RAB38: variants seen among roughly 807,000 people sequenced by gnomAD.
The protein encoded by RAB38 is RAB38, member RAS oncogene family, also known as ras-related protein Rab-38.
In RAB38, 15 loss-of-function variants were observed where a neutral mutation model predicts 18.4. The ratio of observed to expected loss-of-function variants is 0.82; its 90% CI spans 0.55 to 1.26. The LOEUF (loss-of-function observed/expected upper bound fraction) is 1.26, where lower values mean the gene tolerates loss of function less well. Among genes scored for constraint, RAB38 ranks in the 50% most tolerant of loss-of-function variants. The pLI is 0.00. For synonymous variants in RAB38, 101 were observed against 104.4 expected (o/e 0.97, Z 0.20); for missense variants, 294 against 267.4 (o/e 1.10, Z -0.69).
the RAB38 span, among the ~76,000 whole-genome samples, chr11:87,844,800 G>A: frequency 7.2e-5 from 11 of 152,162 alleles, no homozygotes; most frequent in Admixed American, 2.0e-4. Context: ...CATAAACCCC[G>A]AGCAAATATG....
the RAB38 span, among the ~76,000 whole-genome samples, chr11:88,022,496 A>C: frequency 6.6e-6 from 1 of 151,742 alleles, no homozygotes; most frequent in Non-Finnish European, 1.5e-5. Context: ...AATTCTAGCT[A>C]GAGCAATCAC....
chr11:87,849,817 C>A, the RAB38 span, among the ~76,000 whole-genome samples: 1 of 152,096 alleles, frequency 6.6e-6, no homozygotes, highest in Non-Finnish European at 1.5e-5. Flanking sequence ...TGGGCTCCCA[C>A]AGAGCAAAAC....
chr11:87,968,371 G>A, the RAB38 span, among the ~76,000 whole-genome samples: 1 of 152,104 alleles, frequency 6.6e-6, no homozygotes, highest in Admixed American at 6.6e-5. Flanking sequence ...CCTAGCTAGA[G>A]ACTACATTTC....
chr11:87,811,255 C>T, the RAB38 span, among the ~76,000 whole-genome samples: 474 of 152,246 alleles, frequency 3.1e-3, no homozygotes, highest in Non-Finnish European at 5.8e-3. Flanking sequence ...AGCACATGCC[C>T]AGGAATTTTC....
At chr11:88,079,253 T>G in the RAB38 span, among the ~76,000 whole-genome samples, 1 of 151,798 alleles carries the variant, frequency 6.6e-6, no homozygotes, top group Non-Finnish European at 1.5e-5. Context: ...AACAGCATTA[T>G]AAGTCCAACA....
the RAB38 span, among the ~76,000 whole-genome samples, chr11:87,923,312 C>T: frequency 6.6e-6 from 1 of 151,758 alleles, no homozygotes; most frequent in Non-Finnish European, 1.5e-5. Context: ...AGAGAAGACG[C>T]ATTCATTAAA....
the RAB38 span, among the ~76,000 whole-genome samples, chr11:87,977,859 A>T: frequency 8.9e-6 from 1 of 112,250 alleles, no homozygotes; most frequent in Non-Finnish European, 1.7e-5. Context: ...GGATAGTAAT[A>T]TACTTACAAA....
intron 2 of RAB38, among the ~76,000 whole-genome samples, chr11:88,117,448 T>C (rs1591153169): frequency 1.3e-5 from 2 of 152,312 alleles, no homozygotes; most frequent in South Asian, 4.1e-4. Flanking sequence ...AGTCCATTAC[T>C]AGACAAGCCT....
the RAB38 span, among the ~76,000 whole-genome samples, chr11:87,938,218 G>A: frequency 6.6e-6 from 1 of 152,032 alleles, no homozygotes; most frequent in East Asian, 1.9e-4. Context: ...CTTTTCATGG[G>A]ATCTTTCCTG....
chr11:87,887,754 A>G, the RAB38 span, among the ~76,000 whole-genome samples: 1 of 151,980 alleles, frequency 6.6e-6, no homozygotes, highest in African/African-American at 2.4e-5. Context: ...AGGCAAATTC[A>G]TGAATAATCC....
intron 2 of RAB38, among the ~76,000 whole-genome samples, chr11:88,125,048 T>A (rs1163386282): frequency 1.3e-5 from 2 of 152,208 alleles, no homozygotes; most frequent in Non-Finnish European, 2.9e-5. Context: ...TTTACCCCAG[T>A]TCATGTCCTG....
At chr11:88,052,319 C>T in the RAB38 span, among the ~76,000 whole-genome samples, 4 of 152,070 alleles carry the variant, frequency 2.6e-5, no homozygotes, top group Non-Finnish European at 5.9e-5. Flanking sequence ...AGCAAGATGT[C>T]TAATATTTAT....
chr11:87,893,458 T>A, the RAB38 span, among the ~76,000 whole-genome samples: 3 of 146,084 alleles, frequency 2.1e-5, no homozygotes, highest in Non-Finnish European at 4.5e-5. Flanking sequence ...ACCAATCAAC[T>A]ATGGTCAGGA....
the RAB38 span, among the ~76,000 whole-genome samples, chr11:87,839,118 C>A: frequency 6.6e-6 from 1 of 152,114 alleles, no homozygotes; most frequent in South Asian, 2.1e-4. Flanking sequence ...AGCGAAAGAT[C>A]CTTTATTTAA....
the RAB38 span, among the ~76,000 whole-genome samples, chr11:87,846,197 A>T: frequency 6.6e-6 from 1 of 152,090 alleles, no homozygotes; most frequent in African/African-American, 2.4e-5. Context: ...AACAAAAACC[A>T]AAGAAGAGAA....
At chr11:87,961,707 G>A in the RAB38 span, among the ~76,000 whole-genome samples, 31 of 152,180 alleles carry the variant, frequency 2.0e-4, no homozygotes, top group Non-Finnish European at 1.8e-4. Flanking sequence ...GATGCCAGCA[G>A]TAGCAGGGAC....
intron 2 of RAB38, among the ~76,000 whole-genome samples, chr11:88,132,599 A>G (rs111577812): frequency 4.5e-4 from 68 of 152,232 alleles, no homozygotes; most frequent in African/African-American, 1.6e-3. Flanking sequence ...CTGGGATTAC[A>G]AGCATGCGCC....
chr11:88,064,727 T>C, the RAB38 span, among the ~76,000 whole-genome samples: 1 of 152,254 alleles, frequency 6.6e-6, no homozygotes, highest in Non-Finnish European at 1.5e-5. Context: ...TGAGCTATTA[T>C]GTACATGAAA....
the RAB38 span, among the ~76,000 whole-genome samples, chr11:88,018,541 C>A: frequency 6.6e-6 from 1 of 152,032 alleles, no homozygotes. Flanking sequence ...CATTTTGAAC[C>A]TACTCCTGAC....
Sources: gnomAD v4.1 joint callset for allele counts (sites outside exome capture counted in the v4.1 genomes callset) on GRCh38, gnomAD v4.1.1 for gene constraint, MANE v1.5 for transcripts, NCBI Gene and HGNC (gene_info 2026-07-23, HGNC 2026-07-21) for gene names.